AGBL4: variants seen among roughly 807,000 people sequenced by gnomAD.
AGBL4 encodes cytosolic carboxypeptidase 6.
In AGBL4, 58 loss-of-function variants were observed where a neutral mutation model predicts 66.4. That is an observed-to-expected ratio of 0.87 (90% CI 0.71 to 1.09). The LOEUF (loss-of-function observed/expected upper bound fraction) is 1.09, where lower values mean the gene tolerates loss of function less well. AGBL4 is among the 50% of genes least tolerant of loss of function. The pLI is 0.00. For missense variants in AGBL4, 579 were observed against 631.0 expected (o/e 0.92, Z 0.88); for synonymous variants, 234 against 222.9 (o/e 1.05, Z -0.44).
At chr1:49,374,762 A>G (rs1570557435) in intron 3 of AGBL4, among the ~76,000 whole-genome samples, 1 of 152,140 alleles carries the variant, frequency 6.6e-6, no homozygotes, top group Admixed American at 6.6e-5. Flanking sequence ...CCACTAGCAC[A>G]AAACAGGCTA....
chr1:49,398,701 CT>C (rs908039090), intron 3 of AGBL4, among the ~76,000 whole-genome samples: 2 of 152,048 alleles, frequency 1.3e-5, no homozygotes, highest in Non-Finnish European at 2.9e-5. Context: ...TGTTTCCACT[CT>C]TTTTTTAATT....
At chr1:48,647,723 A>G in intron 8 of AGBL4, 2 of 363,324 alleles carry the variant, frequency 5.5e-6, no homozygotes, top group Non-Finnish European at 1.1e-5. Flanking sequence ...GCCGTGGGGT[A>G]TAGGTGGGCG....
At chr1:48,853,977 C>T (rs1435275863) in intron 6 of AGBL4, among the ~76,000 whole-genome samples, 1 of 152,170 alleles carries the variant, frequency 6.6e-6, no homozygotes, top group Non-Finnish European at 1.5e-5. Context: ...TGCAGAAGGC[C>T]TGGTGTTATC....
intron 1 of AGBL4, among the ~76,000 whole-genome samples, chr1:49,903,756 A>G (rs1402926640): frequency 6.6e-6 from 1 of 152,154 alleles, no homozygotes; most frequent in Non-Finnish European, 1.5e-5. Context: ...GGAAAAGTAG[A>G]GCTGAAGTAT....
At chr1:49,900,341 G>A (rs1272370277) in intron 1 of AGBL4, among the ~76,000 whole-genome samples, 1 of 151,966 alleles carries the variant, frequency 6.6e-6, no homozygotes, top group Admixed American at 6.6e-5. Context: ...TGCCTCCCAG[G>A]TTCAAGCGAT....
chr1:48,943,814 T>C (rs148206084), intron 5 of AGBL4, among the ~76,000 whole-genome samples: 2 of 152,204 alleles, frequency 1.3e-5, no homozygotes, highest in Non-Finnish European at 2.9e-5. Context: ...ATGGTGCCTG[T>C]GTTGATGGTG....
intron 2 of AGBL4, among the ~76,000 whole-genome samples, chr1:49,792,965 A>G (rs1165929655): frequency 6.6e-6 from 1 of 152,084 alleles, no homozygotes; most frequent in African/African-American, 2.4e-5. Flanking sequence ...ATATGGTTAG[A>G]CTAAGGAGAA....
chr1:49,568,520 C>CACAA (rs1210434454), intron 3 of AGBL4, among the ~76,000 whole-genome samples: 4 of 151,436 alleles, frequency 2.6e-5, no homozygotes, highest in African/African-American at 9.7e-5. Context: ...CACACACACA[C>CACAA]ACAAATGCCA....
chr1:49,017,424 G>T (rs141201590), intron 5 of AGBL4, among the ~76,000 whole-genome samples: 1,645 of 152,228 alleles, frequency 0.011, 105 homozygotes, highest in Admixed American at 0.099. Context: ...GTAATATTAA[G>T]GAATTACTTA....
chr1:48,858,185 G>A (rs1647226750), intron 6 of AGBL4, among the ~76,000 whole-genome samples: 1 of 152,170 alleles, frequency 6.6e-6, no homozygotes, highest in Non-Finnish European at 1.5e-5. Context: ...AATAACAAGT[G>A]TCAGAGAGGA....
At chr1:49,841,856 C>T in intron 2 of AGBL4, 2 of 533,048 alleles carry the variant, frequency 3.8e-6, no homozygotes, top group Non-Finnish European at 6.8e-6. Flanking sequence ...TCAGGCGGAG[C>T]AGGGGCAGCC....
intron 6 of AGBL4, among the ~76,000 whole-genome samples, chr1:48,672,142 C>G (rs561537929): frequency 6.6e-6 from 1 of 152,342 alleles, no homozygotes; most frequent in East Asian, 1.9e-4. Flanking sequence ...TTGGCTTTGA[C>G]AAATGACTTC....
At chr1:49,743,294 A>G (rs1020761966) in intron 2 of AGBL4, among the ~76,000 whole-genome samples, 7 of 152,228 alleles carry the variant, frequency 4.6e-5, no homozygotes, top group African/African-American at 1.2e-4. Flanking sequence ...CAACAGACAC[A>G]TGAAAAAATG....
intron 2 of AGBL4, among the ~76,000 whole-genome samples, chr1:49,781,387 C>A (rs763227188): frequency 6.6e-6 from 1 of 151,890 alleles, no homozygotes; most frequent in Non-Finnish European, 1.5e-5. Flanking sequence ...CAGAGCAAGA[C>A]CCTGTCTCTT....
intron 2 of AGBL4, among the ~76,000 whole-genome samples, chr1:49,839,713 T>C (rs1210215245): frequency 1.3e-5 from 2 of 152,178 alleles, no homozygotes; most frequent in Non-Finnish European, 2.9e-5. Context: ...TTGAGGACCT[T>C]ATATAGGATA....
intron 3 of AGBL4, among the ~76,000 whole-genome samples, chr1:49,554,867 G>A (rs1054716268): frequency 7.9e-5 from 12 of 151,850 alleles, no homozygotes; most frequent in East Asian, 5.8e-4. Context: ...TCTTAAAGGC[G>A]GCGCGTCTGG....
At chr1:49,553,787 T>C (rs1322225223) in intron 3 of AGBL4, among the ~76,000 whole-genome samples, 7 of 152,214 alleles carry the variant, frequency 4.6e-5, no homozygotes, top group Non-Finnish European at 5.9e-5. Context: ...AGGGACTTGT[T>C]CCCTTTTAAA....
chr1:48,603,805 T>G (rs538289355), intron 9 of AGBL4, among the ~76,000 whole-genome samples: 1 of 152,150 alleles, frequency 6.6e-6, no homozygotes, highest in South Asian at 2.1e-4. Flanking sequence ...GGTCCTCAAT[T>G]AAAGCAAGGG....
At chr1:49,650,678 A>G (rs1446351182) in intron 3 of AGBL4, among the ~76,000 whole-genome samples, 1 of 152,188 alleles carries the variant, frequency 6.6e-6, no homozygotes, top group Non-Finnish European at 1.5e-5. Flanking sequence ...AACCAGTGGG[A>G]CCTTGGAAAA....
Sources: gnomAD v4.1 joint callset for allele counts (sites outside exome capture counted in the v4.1 genomes callset) on GRCh38, gnomAD v4.1.1 for gene constraint, MANE v1.5 for transcripts, NCBI Gene and HGNC (gene_info 2026-07-23, HGNC 2026-07-21) for gene names.